Variants in SHTN1 observed in about 807,000 individuals in gnomAD.
SHTN1 encodes the protein shootin-1.
In SHTN1, 42 loss-of-function variants were observed where a neutral mutation model predicts 83.1. The observed-to-expected ratio is 0.51, with a 90% confidence interval of 0.39 to 0.65. The LOEUF (loss-of-function observed/expected upper bound fraction) is 0.65. SHTN1 is among the 30% of genes least tolerant of loss of function. The probability of loss-of-function intolerance (pLI) is 0.00; values close to 1 mark genes in which losing one functional copy is unlikely to be tolerated. For missense variants in SHTN1, 622 were observed against 737.8 expected (o/e 0.84, Z 1.82); for synonymous variants, 224 against 247.7 (o/e 0.90, Z 0.90).
At chr10:117,038,547 G>C (rs978399101) in intron 2 of SHTN1, among the ~76,000 whole-genome samples, 7 of 151,954 alleles carry the variant, frequency 4.6e-5, no homozygotes, top group African/African-American at 1.7e-4. Context: ...TCTGTCAAGA[G>C]AATGAAAACA....
intron 1 of SHTN1, among the ~76,000 whole-genome samples, chr10:117,063,576 C>A (rs188371699): frequency 3.3e-5 from 5 of 152,136 alleles, no homozygotes; most frequent in South Asian, 4.1e-4. Context: ...TTTCTGTTTT[C>A]CTTATGTGCC....
At chr10:116,975,160 C>G (rs1451824277) in intron 2 of SHTN1, among the ~76,000 whole-genome samples, 1 of 152,082 alleles carries the variant, frequency 6.6e-6, no homozygotes, top group African/African-American at 2.4e-5. Flanking sequence ...GTTAAAAAAA[C>G]TCGCTGTTTT....
At position 117,067,819 on chromosome 10, in the gene SHTN1, G is replaced by T. The variant is rs117990616; in HGVS notation, c.-188-19309C>A. ...TAGGAGATAGAGTTGACAGTATTTG[G>T]TAACATATTGGATATGGGAAGTGGG... On this transcript the variant is annotated intron_variant, in intron 1 of 17. Coordinates refer to the SHTN1 transcript ENST00000392901. 6.2e-4 allele frequency among the ~76,000 whole-genome samples: 94 copies of T among 152,212 alleles called. 1 individual carries two copies. In the East Asian group the frequency reaches 0.017, roughly 27 times the overall value.
At chr10:117,015,626 C>A (rs375854996) in intron 2 of SHTN1, among the ~76,000 whole-genome samples, 1 of 152,152 alleles carries the variant, frequency 6.6e-6, no homozygotes, top group Admixed American at 6.5e-5. Flanking sequence ...CCACCGTGCC[C>A]GGCCTGTAGT....
chr10:117,012,495 T>TG, intron 2 of SHTN1, among the ~76,000 whole-genome samples: 1 of 151,884 alleles, frequency 6.6e-6, no homozygotes, highest in East Asian at 1.9e-4. Flanking sequence ...ACCAATTCAA[T>TG]GGGAAAAAAA....
At chr10:116,898,598 T>C (rs1847606049) in intron 16 of SHTN1, among the ~76,000 whole-genome samples, 2 of 152,178 alleles carry the variant, frequency 1.3e-5, no homozygotes, top group Admixed American at 1.3e-4. Flanking sequence ...CTGTGAGATT[T>C]AAGATACTAG....
At chr10:117,078,612 G>T (rs962680929) in intron 1 of SHTN1, among the ~76,000 whole-genome samples, 2 of 152,052 alleles carry the variant, frequency 1.3e-5, no homozygotes, top group Admixed American at 6.6e-5. Flanking sequence ...GTCTATTTTT[G>T]GCACCTATGG....
intron 2 of SHTN1, among the ~76,000 whole-genome samples, chr10:117,045,914 C>G (rs1172347227): frequency 1.3e-5 from 2 of 151,902 alleles, no homozygotes; most frequent in African/African-American, 4.8e-5. Flanking sequence ...GTAAGGTAAG[C>G]AGACAGATAA....
At chr10:116,937,597 T>C (rs1341964069) in intron 9 of SHTN1, among the ~76,000 whole-genome samples, 1 of 152,112 alleles carries the variant, frequency 6.6e-6, no homozygotes, top group African/African-American at 2.4e-5. Context: ...CCTTAACATT[T>C]TTTCCTTCAT....
upstream of SHTN1, among the ~76,000 whole-genome samples, chr10:117,007,419 C>T (rs1852036716): frequency 6.6e-6 from 1 of 151,550 alleles, no homozygotes; most frequent in African/African-American, 2.4e-5. Flanking sequence ...AATCTATAAT[C>T]AAACTTTTGG....
chr10:117,054,624 G>T (rs929179794), intron 1 of SHTN1, among the ~76,000 whole-genome samples: 2 of 151,802 alleles, frequency 1.3e-5, no homozygotes, highest in African/African-American at 4.8e-5. Flanking sequence ...AGCCAGGATG[G>T]TCTCGATCTC....
rs760273198 is a variant in SHTN1 at position 116,929,976 on chromosome 10, T to G, written c.885A>C (p.Glu295Asp). Reference sequence around the variant, plus strand: ...GTATTTCTTTGTGGAGTGTTTCATTTTCTAGTTGCTCTTCTAATTCTTTGA... The same window carrying G: ...GTATTTCTTTGTGGAGTGTTTCATTGTCTAGTTGCTCTTCTAATTCTTTGA... Reference protein sequence around the residue: ...QKVKELEEQLENETLHKEIHN... With the variant: ...QKVKELEEQLDNETLHKEIHN... The change falls in exon 10 of 17, where the codon GAA becomes GAC. Residue 295 changes from glutamate (E) to aspartate (D), a missense_variant. By Grantham distance (45) the Glu-to-Asp change is conservative. This residue lies in a region of SHTN1 where 383 missense variants were observed against 455.8 expected (regional missense o/e 0.84). Transcript: ENST00000355371. 6.3e-7 allele frequency: 1 copy of G among 1,597,250 alleles called. No individual in the cohort carries two copies. The highest frequency in any genetic ancestry group is 1.1e-5 in the South Asian group (1 of 87,550).
chr10:116,998,091 CA>C (rs1185321502), intron 1 of SHTN1, among the ~76,000 whole-genome samples: 4 of 148,782 alleles, frequency 2.7e-5, no homozygotes, highest in Non-Finnish European at 5.9e-5. Context: ...GACTCTGTCT[CA>C]AAAAAAAAGA....
chr10:116,911,034 G>C (rs1049578117), intron 14 of SHTN1, among the ~76,000 whole-genome samples: 1 of 152,200 alleles, frequency 6.6e-6, no homozygotes, highest in Non-Finnish European at 1.5e-5. Flanking sequence ...ATTCAGTCTT[G>C]TACCTCCGCC....
At chr10:117,000,606 T>G (rs555207628) in intron 1 of SHTN1, among the ~76,000 whole-genome samples, 1 of 152,268 alleles carries the variant, frequency 6.6e-6, no homozygotes, top group South Asian at 2.1e-4. Context: ...TCTTCAAAAT[T>G]TCATCAACTT....
At chr10:117,024,060 C>T (rs1189586669) in intron 2 of SHTN1, among the ~76,000 whole-genome samples, 2 of 90,352 alleles carry the variant, frequency 2.2e-5, no homozygotes, top group Admixed American at 1.2e-4. Context: ...AAAAATCATC[C>T]GGGGCCCTAA....
chr10:116,915,639 C>A (rs150758038), intron 12 of SHTN1, among the ~76,000 whole-genome samples, 155 bp from the exon 13 acceptor site: 113 of 152,274 alleles, frequency 7.4e-4, no homozygotes, highest in Non-Finnish European at 1.4e-3. Flanking sequence ...TAACAGCTAT[C>A]AGGTAGCAAC....
Position 116,881,599 on chromosome 10 carries a change from A to T in SHTN1, c.*4745T>A, listed in dbSNP as rs1247823068. ...GCACTTGAGGCTGCTGCGGCTAGGG[A>T]GCCGCTGGTGCCCACCTTCCCCACA... On this transcript the variant is annotated 3_prime_UTR_variant, in exon 17 of 17. Coordinates refer to ENST00000355371, the MANE Select transcript of SHTN1 (RefSeq NM_001127211.3). 2 of 1,550,280 alleles carry T rather than the reference A, an allele frequency of 1.3e-6. No individual in the cohort carries two copies. The highest frequency in any genetic ancestry group is 1.7e-6 in the Non-Finnish European group (2 of 1,146,930).
intron 1 of SHTN1, among the ~76,000 whole-genome samples, chr10:116,984,696 A>G (rs1411713770): frequency 6.6e-6 from 1 of 152,156 alleles, no homozygotes; most frequent in African/African-American, 2.4e-5. Flanking sequence ...GACCCTCAAT[A>G]ATGACAAAAC....
Sources: gnomAD v4.1 joint callset for allele counts (sites outside exome capture counted in the v4.1 genomes callset) on GRCh38, gnomAD v4.1.1 for gene constraint, gnomAD v4.1.1 regional missense constraint, MANE v1.5 for transcripts, NCBI Gene and HGNC (gene_info 2026-07-23, HGNC 2026-07-21) for gene names.